The following AFG2A variants were observed in gnomAD, a reference collection of about 807,000 sequenced individuals.
The protein encoded by AFG2A is AAA ATPase AFG2A.
chr4:123,211,747 A>C, the AFG2A span, among the ~76,000 whole-genome samples: 7 of 152,066 alleles, frequency 4.6e-5, no homozygotes, highest in Admixed American at 6.6e-5. Context: ...ACCTTACATC[A>C]CTAGAAGCAC....
At chr4:123,227,335 C>T in the AFG2A span, among the ~76,000 whole-genome samples, 1 of 152,048 alleles carries the variant, frequency 6.6e-6, no homozygotes, top group Non-Finnish European at 1.5e-5. Context: ...CCTGCTTTCT[C>T]TTGTGGGCAT....
At chr4:122,968,496 T>C in the AFG2A span, among the ~76,000 whole-genome samples, 1 of 152,214 alleles carries the variant, frequency 6.6e-6, no homozygotes, top group Admixed American at 6.5e-5. Flanking sequence ...TCGAATGCCA[T>C]AGATCAGTTT....
chr4:122,991,645 C>T, the AFG2A span, among the ~76,000 whole-genome samples: 1 of 152,288 alleles, frequency 6.6e-6, no homozygotes, highest in South Asian at 2.1e-4. Flanking sequence ...TAAATTTAGG[C>T]TGAGAAACAG....
At chr4:123,144,408 G>T in the AFG2A span, among the ~76,000 whole-genome samples, 6 of 151,986 alleles carry the variant, frequency 3.9e-5, no homozygotes, top group Non-Finnish European at 8.8e-5. Flanking sequence ...AATGCTAACT[G>T]GGCTTTCCTT....
At chr4:122,958,176 G>A in the AFG2A span, among the ~76,000 whole-genome samples, 1 of 152,162 alleles carries the variant, frequency 6.6e-6, no homozygotes, top group Non-Finnish European at 1.5e-5. Flanking sequence ...TATGTTCTGT[G>A]TAATCTTCAA....
At chr4:123,151,882 C>T in the AFG2A span, among the ~76,000 whole-genome samples, 4 of 152,014 alleles carry the variant, frequency 2.6e-5, no homozygotes, top group Admixed American at 1.3e-4. Flanking sequence ...AACCCATATG[C>T]CCATCAATGA....
chr4:123,026,455 A>T, the AFG2A span, among the ~76,000 whole-genome samples: 13 of 152,350 alleles, frequency 8.5e-5, no homozygotes, highest in African/African-American at 3.1e-4. Context: ...GCTAAAAAAA[A>T]TTGCAAAAAA....
the AFG2A span, among the ~76,000 whole-genome samples, chr4:123,224,202 T>C: frequency 6.6e-6 from 1 of 152,124 alleles, no homozygotes. Flanking sequence ...CTCCTTTTTC[T>C]TTTTTTCTTT....
the AFG2A span, among the ~76,000 whole-genome samples, chr4:123,174,977 G>A: frequency 5.0e-4 from 76 of 152,066 alleles, no homozygotes; most frequent in African/African-American, 1.8e-3. Context: ...GACAACAGCT[G>A]CATGCCACCA....
the AFG2A span, among the ~76,000 whole-genome samples, chr4:123,224,019 T>C: frequency 1.3e-5 from 2 of 152,304 alleles, no homozygotes; most frequent in South Asian, 4.1e-4. Flanking sequence ...AGCTTTTCCC[T>C]TATGATTTCT....
At chr4:122,939,001 C>A in the AFG2A span, among the ~76,000 whole-genome samples, 2 of 149,410 alleles carry the variant, frequency 1.3e-5, no homozygotes, top group Admixed American at 6.7e-5. Flanking sequence ...GAGAATAATG[C>A]GAAATGTTTT....
chr4:123,099,860 T>A, the AFG2A span, among the ~76,000 whole-genome samples: 7 of 151,900 alleles, frequency 4.6e-5, no homozygotes, highest in Non-Finnish European at 1.0e-4. Flanking sequence ...TTTGTAGTTA[T>A]GAGTTGTATG....
chr4:123,167,608 A>G, the AFG2A span, among the ~76,000 whole-genome samples: 1 of 152,144 alleles, frequency 6.6e-6, no homozygotes, highest in Non-Finnish European at 1.5e-5. Context: ...CGGCCTCCCA[A>G]AGTGCTGGGA....
chr4:123,100,956 G>T, the AFG2A span, among the ~76,000 whole-genome samples: 2 of 151,828 alleles, frequency 1.3e-5, no homozygotes, highest in African/African-American at 2.4e-5. Flanking sequence ...GGCTACAAAG[G>T]CTTTAGGCCA....
chr4:123,210,401 A>C, the AFG2A span, among the ~76,000 whole-genome samples: 1 of 152,180 alleles, frequency 6.6e-6, no homozygotes, highest in Non-Finnish European at 1.5e-5. Context: ...CTCTGAGTTC[A>C]ACTTTTTTAC....
At chr4:123,159,458 C>G in the AFG2A span, among the ~76,000 whole-genome samples, 1 of 152,112 alleles carries the variant, frequency 6.6e-6, no homozygotes, top group East Asian at 1.9e-4. Flanking sequence ...TTGTAGACTA[C>G]TAAGAAAGAA....
the AFG2A span, among the ~76,000 whole-genome samples, chr4:123,142,486 T>A: frequency 6.6e-6 from 1 of 152,328 alleles, no homozygotes; most frequent in Non-Finnish European, 1.5e-5. Context: ...AAAGCAGATA[T>A]AATTTTGTAT....
chr4:123,145,039 G>A, the AFG2A span, among the ~76,000 whole-genome samples: 1 of 151,994 alleles, frequency 6.6e-6, no homozygotes, highest in Non-Finnish European at 1.5e-5. Flanking sequence ...TTACATTGCT[G>A]TTTATCTTTT....
chr4:123,309,347 A>G, the AFG2A span, among the ~76,000 whole-genome samples: 1 of 152,202 alleles, frequency 6.6e-6, no homozygotes. Context: ...CCTCATAGAC[A>G]TACCTTCTAG....
Sources: gnomAD v4.1 joint callset for allele counts (sites outside exome capture counted in the v4.1 genomes callset) on GRCh38, gnomAD v4.1.1 for gene constraint, MANE v1.5 for transcripts, NCBI Gene and HGNC (gene_info 2026-07-23, HGNC 2026-07-21) for gene names.